ANKFN1: variants seen among roughly 807,000 people sequenced by gnomAD.
ANKFN1 encodes ankyrin repeat and fibronectin type III domain containing 1.
ANKFN1 carries 74 observed loss-of-function variants against 108.7 expected under a neutral mutation model. The observed-to-expected ratio is 0.68, with a 90% CI of 0.56 to 0.83. The LOEUF is 0.83. ANKFN1 is among the 40% of genes least tolerant of loss of function. ANKFN1 has a pLI of 0.00. For missense variants in ANKFN1, 1,505 were observed against 1,382.3 expected (o/e 1.09, Z -1.41); for synonymous variants, 547 against 516.2 (o/e 1.06, Z -0.81).
At chr17:56,184,008 C>A (rs929655800) in intron 1 of ANKFN1, among the ~76,000 whole-genome samples, 1 of 152,066 alleles carries the variant, frequency 6.6e-6, no homozygotes, top group African/African-American at 2.4e-5. Context: ...GCCATGGGAT[C>A]CACTCTTTGG....
intron 1 of ANKFN1, chr17:56,184,746 C>T (rs1166551846): frequency 6.6e-6 from 1 of 152,214 alleles, no homozygotes; most frequent in African/African-American, 2.4e-5. Context: ...ATTTGATCCT[C>T]AGATCTGCCC....
chr17:56,077,641 A>T (rs1905196714), intron 4 of ANKFN1, among the ~76,000 whole-genome samples: 1 of 152,036 alleles, frequency 6.6e-6, no homozygotes, highest in Non-Finnish European at 1.5e-5. Flanking sequence ...TCTCTGGCCA[A>T]CTCATTGGCA....
chr17:56,320,712 G>C (rs1162190890), intron 3 of ANKFN1, among the ~76,000 whole-genome samples: 1 of 152,154 alleles, frequency 6.6e-6, no homozygotes, highest in Non-Finnish European at 1.5e-5. Context: ...CCCGGTGAGA[G>C]GCTGCTGAGA....
chr17:56,394,282 C>A (rs2047517340), intron 8 of ANKFN1, among the ~76,000 whole-genome samples: 1 of 152,162 alleles, frequency 6.6e-6, no homozygotes, highest in Non-Finnish European at 1.5e-5. Context: ...CCTCCAAGCT[C>A]ACTGTCTTCA....
At chr17:56,202,002 G>T (rs930761171) in intron 1 of ANKFN1, among the ~76,000 whole-genome samples, 15 of 152,182 alleles carry the variant, frequency 9.9e-5, no homozygotes, top group African/African-American at 3.6e-4. Flanking sequence ...AACTGCTTCT[G>T]CCAGAGATGC....
chr17:56,383,016 C>G (rs1214546148), intron 8 of ANKFN1, among the ~76,000 whole-genome samples: 1 of 152,162 alleles, frequency 6.6e-6, no homozygotes, highest in Non-Finnish European at 1.5e-5. Context: ...CCCAAATCAA[C>G]AGAATATACA....
intron 3 of ANKFN1, among the ~76,000 whole-genome samples, chr17:56,316,061 C>T (rs1427047497): frequency 2.0e-5 from 3 of 152,162 alleles, no homozygotes; most frequent in African/African-American, 4.8e-5. Flanking sequence ...GTACAGCAAA[C>T]TTCATCTGAC....
upstream of ANKFN1, among the ~76,000 whole-genome samples, chr17:56,148,637 A>AG (rs1428114616): frequency 6.7e-6 from 1 of 149,572 alleles, no homozygotes; most frequent in African/African-American, 2.6e-5. Context: ...AATGTTTAGG[A>AG]GGAAAAAAAA....
At chr17:56,112,493 A>G (rs1906024327) in intron 4 of ANKFN1, among the ~76,000 whole-genome samples, 1 of 151,976 alleles carries the variant, frequency 6.6e-6, no homozygotes, top group Non-Finnish European at 1.5e-5. Flanking sequence ...AAGAGTAAAA[A>G]GTGAAATTCT....
At chr17:56,163,459 A>C (rs1909868214) in intron 1 of ANKFN1, among the ~76,000 whole-genome samples, 1 of 152,180 alleles carries the variant, frequency 6.6e-6, no homozygotes, top group South Asian at 2.1e-4. Context: ...TTGCTTCCTA[A>C]AACTTCCAGC....
At chr17:56,327,434 G>A (rs2045550609) in intron 4 of ANKFN1, among the ~76,000 whole-genome samples, 1 of 152,054 alleles carries the variant, frequency 6.6e-6, no homozygotes, top group Admixed American at 6.6e-5. Flanking sequence ...TTGTGGCCTT[G>A]GGTGTGACAA....
At chr17:56,304,319 G>A (rs1028290818) in intron 3 of ANKFN1, among the ~76,000 whole-genome samples, 14 of 152,054 alleles carry the variant, frequency 9.2e-5, no homozygotes, top group East Asian at 5.8e-4. Flanking sequence ...TATGTGTATC[G>A]AAATTTTGTT....
intron 5 of ANKFN1, among the ~76,000 whole-genome samples, chr17:56,351,395 A>G (rs2046243095): frequency 6.6e-6 from 1 of 151,912 alleles, no homozygotes; most frequent in Non-Finnish European, 1.5e-5. Context: ...ATGCACATGT[A>G]TTATATGATA....
rs570264049 is a variant in ANKFN1, at chr17:56,410,439, G to C, written c.911-29888G>C. On this transcript the variant is annotated intron_variant, in intron 8 of 20. Coordinates refer to ENST00000682825, the MANE Select transcript of ANKFN1 (RefSeq NM_001370326.1). ...TCACAAAGAATTGCATATAGTTATG[G>C]GGTATAATATGATTTGATCTATGTA... Among the ~76,000 whole-genome samples the C allele has an allele frequency of 6.1e-4, 92 of 152,062 alleles. No homozygotes were observed. The South Asian group carries it at 0.015, about 25-fold the overall frequency.
intron 1 of ANKFN1, among the ~76,000 whole-genome samples, chr17:56,165,045 C>A (rs541158354): frequency 6.6e-6 from 1 of 152,216 alleles, no homozygotes; most frequent in Non-Finnish European, 1.5e-5. Flanking sequence ...ATTTGCTTTT[C>A]ATCCTGTAAA....
At chr17:56,098,050 A>G (rs901541747) in intron 4 of ANKFN1, among the ~76,000 whole-genome samples, 1 of 152,170 alleles carries the variant, frequency 6.6e-6, no homozygotes, top group Non-Finnish European at 1.5e-5. Context: ...CCATCACAAT[A>G]TCTTTATAAG....
At chr17:56,444,530 C>T (rs2049218257) in intron 10 of ANKFN1, among the ~76,000 whole-genome samples, 1 of 152,180 alleles carries the variant, frequency 6.6e-6, no homozygotes, top group South Asian at 2.1e-4. Flanking sequence ...AATCTTTCCT[C>T]ATTATTTCTG....
Position 56,223,758 on chromosome 17 carries a change from C to T in ANKFN1, c.13-4159C>T, listed in dbSNP as rs112525572. Reference sequence around the variant, plus strand: ...ATTATAACCATTTAAGGAACTAGTACAGAATATTTTAATCCAATGGATGGT... The same window carrying T: ...ATTATAACCATTTAAGGAACTAGTATAGAATATTTTAATCCAATGGATGGT... On this transcript the variant is annotated intron_variant, in intron 2 of 20. Coordinates refer to ENST00000682825, the MANE Select transcript of ANKFN1 (RefSeq NM_001370326.1). Among the ~76,000 whole-genome samples, 677 of 152,186 alleles carry T rather than the reference C, an allele frequency of 4.4e-3. 7 individuals are homozygous for T. Among genetic ancestry groups the T allele is most frequent in the African/African-American group, 0.015 (640 of 41,510 alleles).
chr17:56,387,734 A>G (rs1304422950), intron 8 of ANKFN1, among the ~76,000 whole-genome samples: 1 of 151,940 alleles, frequency 6.6e-6, no homozygotes, highest in Non-Finnish European at 1.5e-5. Context: ...AACCTGCTTG[A>G]TTTGTCTTGT....
Sources: gnomAD v4.1 joint callset for allele counts (sites outside exome capture counted in the v4.1 genomes callset) on GRCh38, gnomAD v4.1.1 for gene constraint, MANE v1.5 for transcripts, NCBI Gene and HGNC (gene_info 2026-07-23, HGNC 2026-07-21) for gene names.